The following ESRRG variants were observed in gnomAD, a reference collection of about 807,000 sequenced individuals.
ESRRG encodes the protein estrogen-related receptor gamma.
Under a neutral mutation model 44.0 loss-of-function variants are expected in ESRRG, and 13 were observed. That is an observed-to-expected ratio of 0.30 (90% CI 0.19 to 0.47). The LOEUF (loss-of-function observed/expected upper bound fraction) is 0.47. ESRRG is among the 20% of genes least tolerant of loss of function. The pLI is 1.00. For synonymous variants in ESRRG, 215 were observed against 214.6 expected (o/e 1.00, Z -0.02); for missense variants, 395 against 580.6 (o/e 0.68, Z 3.29).
chr1:216,570,405 TC>T (rs1178276801), intron 3 of ESRRG, among the ~76,000 whole-genome samples: 3 of 152,216 alleles, frequency 2.0e-5, no homozygotes, highest in Admixed American at 6.5e-5. Flanking sequence ...TTTCTAATGT[TC>T]TGTTTTTATT....
chr1:217,026,362 A>G (rs2081176576), intron 1 of ESRRG, among the ~76,000 whole-genome samples: 1 of 152,244 alleles, frequency 6.6e-6, no homozygotes, highest in Admixed American at 6.5e-5. Context: ...GAACCAAATC[A>G]GTCACATTTA....
At chr1:216,795,078 G>T (rs2094436783) in intron 2 of ESRRG, among the ~76,000 whole-genome samples, 1 of 152,100 alleles carries the variant, frequency 6.6e-6, no homozygotes, top group Non-Finnish European at 1.5e-5. Context: ...CTCAGGTTCA[G>T]TTAATTTCCA....
intron 2 of ESRRG, among the ~76,000 whole-genome samples, chr1:216,777,070 T>C (rs2093642300): frequency 6.6e-6 from 1 of 152,174 alleles, no homozygotes; most frequent in Non-Finnish European, 1.5e-5. Flanking sequence ...AGTGAGGTAC[T>C]ACTGGCATGA....
intron 1 of ESRRG, among the ~76,000 whole-genome samples, chr1:217,035,480 C>T (rs934021766): frequency 3.3e-5 from 5 of 151,910 alleles, no homozygotes; most frequent in Admixed American, 6.6e-5. Flanking sequence ...CAAAGGAGGC[C>T]TATTTTTTTA....
intron 3 of ESRRG, among the ~76,000 whole-genome samples, chr1:216,622,893 G>T (rs1425757248): frequency 6.6e-6 from 1 of 151,896 alleles, no homozygotes; most frequent in Non-Finnish European, 1.5e-5. Context: ...ATTTATTAGA[G>T]ATATGGAAAT....
At chr1:216,762,580 A>G (rs2092847226) in intron 2 of ESRRG, among the ~76,000 whole-genome samples, 1 of 149,904 alleles carries the variant, frequency 6.7e-6, no homozygotes, top group Non-Finnish European at 1.5e-5. Context: ...GGGGAGGGAT[A>G]GCATTGGGAG....
chr1:216,905,292 G>A (rs956901153), intron 2 of ESRRG, among the ~76,000 whole-genome samples: 1 of 151,896 alleles, frequency 6.6e-6, no homozygotes, highest in East Asian at 1.9e-4. Context: ...CTAGGCTCCA[G>A]TCATGTTGCC....
chr1:216,526,840 C>A (rs1162296050), intron 5 of ESRRG, among the ~76,000 whole-genome samples: 2 of 152,114 alleles, frequency 1.3e-5, no homozygotes, highest in African/African-American at 4.8e-5. Context: ...GAATTGGGTG[C>A]CATCTCTGCC....
intron 2 of ESRRG, among the ~76,000 whole-genome samples, chr1:216,921,478 C>T (rs1044462574): frequency 4.6e-5 from 7 of 152,160 alleles, no homozygotes; most frequent in Non-Finnish European, 7.3e-5. Flanking sequence ...CGAACTCCTA[C>T]GAACTTGACC....
chr1:216,598,965 T>C lies in ESRRG; in HGVS notation c.590-30867A>G, dbSNP rs559453207. 3.3e-5 allele frequency among the ~76,000 whole-genome samples: 5 copies of C among 152,268 alleles called. 1 individual carries two copies. Among genetic ancestry groups the C allele is most frequent in the African/African-American group, 1.2e-4 (5 of 41,566 alleles). On this transcript the variant is annotated intron_variant, in intron 3 of 6. Coordinates refer to ENST00000408911, the MANE Select transcript of ESRRG (RefSeq NM_001438.4). Reference sequence around the variant, plus strand: ...ATAGAAAGAAATATTAAATAATCAATATTTAAAATAATATGTTATAAATTG... The same window carrying C: ...ATAGAAAGAAATATTAAATAATCAACATTTAAAATAATATGTTATAAATTG...
At chr1:216,626,089 A>G (rs1020777353) in intron 3 of ESRRG, among the ~76,000 whole-genome samples, 1 of 152,194 alleles carries the variant, frequency 6.6e-6, no homozygotes, top group Non-Finnish European at 1.5e-5. Flanking sequence ...CATTCTAATG[A>G]AACCATTCTT....
rs1333210272 is a variant in ESRRG, at chr1:216,902,052, C to T, written c.-14+37530G>A. On this transcript the variant is annotated intron_variant, in intron 2 of 7. Transcript: ENST00000359162. ...TGCAGGAATAACAGGCAAGTCAATA[C>T]TTCCTTTTTATATCTGAAGTTCATC... Among the ~76,000 whole-genome samples the T allele has an allele frequency of 2.0e-5, 3 of 152,186 alleles. No homozygotes were observed. In the East Asian group the frequency reaches 5.8e-4, roughly 29 times the overall value.
intron 2 of ESRRG, among the ~76,000 whole-genome samples, chr1:216,775,628 C>T (rs141163392): frequency 1.3e-3 from 176 of 136,962 alleles, no homozygotes; most frequent in African/African-American, 4.4e-3. Context: ...GGCTGGTCAT[C>T]GCAGCCTTGA....
chr1:216,829,291 G>T (rs2095447161), intron 2 of ESRRG, among the ~76,000 whole-genome samples: 1 of 151,990 alleles, frequency 6.6e-6, no homozygotes, highest in Admixed American at 6.6e-5. Context: ...GGACAAGAGG[G>T]GTGAGGCAAT....
At chr1:216,514,718 C>G (rs1199056557) in intron 6 of ESRRG, among the ~76,000 whole-genome samples, 1 of 152,040 alleles carries the variant, frequency 6.6e-6, no homozygotes, top group Non-Finnish European at 1.5e-5. Context: ...CTCATAATAG[C>G]CATGCATGAT....
intron 2 of ESRRG, among the ~76,000 whole-genome samples, chr1:216,869,737 T>G (rs1335907678): frequency 2.0e-5 from 3 of 152,052 alleles, no homozygotes; most frequent in African/African-American, 7.2e-5. Flanking sequence ...GCATCCATAT[T>G]TGTAGTTTTC....
chr1:216,710,177 C>T (rs919471903), intron 1 of ESRRG, among the ~76,000 whole-genome samples: 6 of 152,090 alleles, frequency 3.9e-5, no homozygotes, highest in Non-Finnish European at 5.9e-5. Context: ...GGCAGGGGTT[C>T]TGTTTTTAGT....
chr1:216,726,908 C>T (rs148873981), upstream of ESRRG, among the ~76,000 whole-genome samples: 4 of 152,284 alleles, frequency 2.6e-5, no homozygotes, highest in Non-Finnish European at 4.4e-5. Context: ...GAAGATTCCT[C>T]TAGTCATATA....
At chr1:216,983,035 T>TTG (rs2074246698) in intron 1 of ESRRG, among the ~76,000 whole-genome samples, 1 of 33,534 alleles carries the variant, frequency 3.0e-5, no homozygotes, top group Non-Finnish European at 9.3e-5. Context: ...TGAACTGTTT[T>TTG]TTTTTTTTTT....
Sources: allele counts gnomAD v4.1 joint callset (sites outside exome capture counted in the v4.1 genomes callset), GRCh38; gene constraint gnomAD v4.1.1; transcripts MANE v1.5; gene names NCBI Gene and HGNC (gene_info 2026-07-23, HGNC 2026-07-21).